SOX6: variants seen among roughly 807,000 people sequenced by gnomAD.
SOX6 encodes the protein transcription factor SOX-6.
A neutral mutation model predicts 97.8 loss-of-function variants in SOX6; 11 were observed. The observed-to-expected ratio is 0.11, with a 90% CI of 0.07 to 0.19. SOX6 has a LOEUF of 0.19. SOX6 is among the 10% of genes least tolerant of loss of function. The pLI, the probability that SOX6 is intolerant of heterozygous loss-of-function variation, is 1.00. For missense variants in SOX6, 810 were observed against 1,039.5 expected, an observed-to-expected ratio of 0.78 and a Z score of 3.04; for synonymous variants, 360 against 371.4, an observed-to-expected ratio of 0.97 and a Z score of 0.35.
At chr11:15,988,740 T>C (rs1453041817) in intron 14 of SOX6, among the ~76,000 whole-genome samples, 1 of 152,232 alleles carries the variant, frequency 6.6e-6, no homozygotes, top group East Asian at 1.9e-4. Flanking sequence ...AATAGTTTTG[T>C]CTCTGAAATA....
At chr11:16,465,038 C>T (rs1037637692) in intron 1 of SOX6, among the ~76,000 whole-genome samples, 1 of 152,104 alleles carries the variant, frequency 6.6e-6, no homozygotes, top group Non-Finnish European at 1.5e-5. Context: ...CTGCCTTTTT[C>T]TCCTCTTCTT....
chr11:16,425,054 A>G (rs1035165578), intron 1 of SOX6, among the ~76,000 whole-genome samples: 1 of 152,250 alleles, frequency 6.6e-6, no homozygotes, highest in African/African-American at 2.4e-5. Context: ...TTAGAACCAG[A>G]GGCTTCTTTT....
intron 7 of SOX6, among the ~76,000 whole-genome samples, chr11:16,104,529 G>T (rs1017658395): frequency 2.0e-5 from 3 of 151,812 alleles, no homozygotes; most frequent in African/African-American, 7.3e-5. Context: ...TAATAAAGCA[G>T]AGATGATACC....
intron 3 of SOX6, among the ~76,000 whole-genome samples, chr11:16,713,598 G>A (rs1461531382): frequency 2.0e-5 from 3 of 152,062 alleles, no homozygotes; most frequent in Non-Finnish European, 4.4e-5. Flanking sequence ...TATAAAATTT[G>A]CACAATTTTG....
chr11:16,317,263 T>G (rs1489812534), intron 3 of SOX6: 1 of 150,954 alleles, frequency 6.6e-6, no homozygotes, highest in Non-Finnish European at 1.5e-5. Flanking sequence ...ATATGTTATA[T>G]ATAATATAAT....
chr11:16,227,314 G>A (rs940961475), intron 4 of SOX6, among the ~76,000 whole-genome samples: 1 of 151,966 alleles, frequency 6.6e-6, no homozygotes, highest in Admixed American at 6.5e-5. Flanking sequence ...ACCAGCATGG[G>A]GATACCCTGT....
intron 4 of SOX6, among the ~76,000 whole-genome samples, chr11:16,585,675 T>TTTTA: frequency 8.4e-6 from 1 of 119,660 alleles, no homozygotes; most frequent in Non-Finnish European, 1.7e-5. Flanking sequence ...AATTTTTTTT[T>TTTTA]TTTTACTTTT....
chr11:16,183,666 A>T (rs1016015588), intron 6 of SOX6, among the ~76,000 whole-genome samples: 1 of 152,026 alleles, frequency 6.6e-6, no homozygotes, highest in Non-Finnish European at 1.5e-5. Flanking sequence ...GAAAAAAGAT[A>T]AGGGTTATTT....
intron 1 of SOX6, among the ~76,000 whole-genome samples, chr11:16,395,718 A>C (rs1316653375): frequency 6.6e-6 from 1 of 151,806 alleles, no homozygotes; most frequent in Non-Finnish European, 1.5e-5. Flanking sequence ...GGTTTTCCCT[A>C]CCATACAAGG....
At chr11:16,149,590 C>T (rs898122378) in intron 6 of SOX6, among the ~76,000 whole-genome samples, 24 of 152,104 alleles carry the variant, frequency 1.6e-4, no homozygotes, top group African/African-American at 5.8e-4. Flanking sequence ...ACTTCAGAAC[C>T]TGCTAGGGAC....
intron 9 of SOX6, among the ~76,000 whole-genome samples, chr11:16,075,771 T>A (rs1223186980): frequency 6.6e-6 from 1 of 152,150 alleles, no homozygotes; most frequent in Non-Finnish European, 1.5e-5. Context: ...AACCTGCATG[T>A]TGTACACATG....
At chr11:16,484,565 A>G in intron 4 of SOX6, 1 of 760,032 alleles carries the variant, frequency 1.3e-6, no homozygotes, top group Non-Finnish European at 2.5e-6. Flanking sequence ...CCTGACATCA[A>G]TGGCCACCTT....
At chr11:16,395,306 A>G (rs1159418631) in intron 1 of SOX6, among the ~76,000 whole-genome samples, 1 of 151,880 alleles carries the variant, frequency 6.6e-6, no homozygotes, top group Non-Finnish European at 1.5e-5. Context: ...TATAAAATAA[A>G]GGATGAGAAA....
At chr11:16,258,852 T>C (rs888529470) in intron 3 of SOX6, among the ~76,000 whole-genome samples, 3 of 151,412 alleles carry the variant, frequency 2.0e-5, no homozygotes, top group African/African-American at 7.3e-5. Context: ...CACATATATA[T>C]ACATATATAT....
In SOX6 at chr11:16,096,033, T is replaced by C. The variant is rs769330030; in HGVS notation, c.1064A>G (p.His355Arg). Residue 355 changes from histidine to arginine, a missense_variant, in exon 9 of 16, where the codon CAT becomes CGT. Coordinates refer to ENST00000683767, the MANE Select transcript of SOX6 (RefSeq NM_001367873.1). Reference sequence around the variant, plus strand: ...GTGGTTGTAAGAGTGGCCACCACCATGTTCAAAGGTGTCCAAATTCCTGCC... The same window carrying C: ...GTGGTTGTAAGAGTGGCCACCACCACGTTCAAAGGTGTCCAAATTCCTGCC... Reference protein sequence around the residue: ...RFGRNLDTFEHGGGHSYNHKQ... With the variant: ...RFGRNLDTFERGGGHSYNHKQ... 1 of 1,611,212 alleles carries C rather than the reference T, an allele frequency of 6.2e-7. No individual in the cohort carries two copies. The highest frequency in any genetic ancestry group is 8.5e-7 in the Non-Finnish European group (1 of 1,178,398).
intron 3 of SOX6, among the ~76,000 whole-genome samples, chr11:16,644,848 T>C (rs947419494): frequency 2.0e-5 from 3 of 152,220 alleles, no homozygotes; most frequent in East Asian, 3.9e-4. Flanking sequence ...GCCCACAATA[T>C]GCCTGCTCAC....
At chr11:16,235,806 A>G (rs1186496257) in intron 3 of SOX6, among the ~76,000 whole-genome samples, 1 of 152,106 alleles carries the variant, frequency 6.6e-6, no homozygotes, top group Non-Finnish European at 1.5e-5. Context: ...AAAGGGCTTT[A>G]GAAGCTAGAT....
At chr11:16,482,090 T>C (rs1387305974) in intron 4 of SOX6, among the ~76,000 whole-genome samples, 2 of 151,576 alleles carry the variant, frequency 1.3e-5, no homozygotes, top group African/African-American at 2.4e-5. Context: ...GGTGGAAGTA[T>C]GTGAAAAGTA....
chr11:16,022,382 C>T (rs1855091881), intron 12 of SOX6, among the ~76,000 whole-genome samples: 1 of 148,506 alleles, frequency 6.7e-6, no homozygotes, highest in South Asian at 2.2e-4. Context: ...TTCCTCCCTC[C>T]CTCCCTTCCT....
Sources: gnomAD v4.1 joint callset for allele counts (sites outside exome capture counted in the v4.1 genomes callset) on GRCh38, gnomAD v4.1.1 for gene constraint, MANE v1.5 for transcripts, NCBI Gene and HGNC (gene_info 2026-07-23, HGNC 2026-07-21) for gene names.